The following ETV2 variants were observed in gnomAD, a reference collection of about 807,000 sequenced individuals.
ETV2 encodes ETS variant transcription factor 2, also known as ETS translocation variant 2.
In ETV2, 34 loss-of-function variants were observed where a neutral mutation model predicts 35.7. That is an observed-to-expected ratio of 0.95 (90% CI 0.72 to 1.27). The LOEUF is 1.27. Ranked by LOEUF, ETV2 falls within the 50% of genes most tolerant of loss-of-function variation. The probability of loss-of-function intolerance (pLI) is 0.00; values close to 1 mark genes in which losing one functional copy is unlikely to be tolerated. For synonymous variants in ETV2, 207 were observed against 203.9 expected, an observed-to-expected ratio of 1.02 and a Z score of -0.13; for missense variants, 512 against 470.5, an observed-to-expected ratio of 1.09 and a Z score of -0.82.
rs2146359157 is a variant in ETV2 at position 35,641,899 on chromosome 19, C to T, written c.-285C>T. 1 of 152,524 alleles carries T rather than the reference C, an allele frequency of 6.6e-6. No homozygotes were observed. The allele number at this position is 152,524 out of a possible 1,614,324, so 9.4% of individuals were successfully genotyped here. A position where few individuals can be genotyped will look rare whatever the true frequency, so the allele number is the denominator to read the frequency against. Reference sequence around the variant, plus strand: ...AACTTCTCCCAGCCTCCGCCCTGCCCTCACCCAGCCCGCTGTTCCCCAAGC... The same window carrying T: ...AACTTCTCCCAGCCTCCGCCCTGCCTTCACCCAGCCCGCTGTTCCCCAAGC... On this transcript the variant is annotated 5_prime_UTR_variant, in exon 1 of 7. Transcript: ENST00000402764.
Position 35,643,431 on chromosome 19 carries a change from C to T in ETV2, c.393C>T (p.Asn131=). The part of the protein sequence containing the change: ...AAGSEGAAGQ[N]CVPVAGEATS... Reference sequence around the variant, plus strand: ...GCTCCGAAGGCGCCGCGGGCCAGAACTGCGTCCCCGTGGCGGGAGAGGCCA... The same window carrying T: ...GCTCCGAAGGCGCCGCGGGCCAGAATTGCGTCCCCGTGGCGGGAGAGGCCA... The change falls in exon 5 of 7, where the codon AAC becomes AAT. Residue 131 remains asparagine, a synonymous_variant. Transcript: ENST00000402764. The surrounding 1 kb of genome is among the most constrained non-coding windows in gnomAD (Gnocchi z 5.0). 2 of 1,546,602 alleles carry T rather than the reference C, an allele frequency of 1.3e-6. No individual in the cohort carries two copies. Among genetic ancestry groups the T allele is most frequent in the Non-Finnish European group, 1.7e-6 (2 of 1,145,592 alleles).
At position 35,644,492 on chromosome 19, in the gene ETV2, C is replaced by A; in HGVS notation, c.828+145C>A. 1.1e-6 allele frequency: 1 copy of A among 915,114 alleles called. No individual in the cohort carries two copies. The highest frequency in any genetic ancestry group is 1.7e-6 in the Non-Finnish European group (1 of 604,120). The allele number at this position is 915,114 out of a possible 1,614,324, so 56.7% of individuals were successfully genotyped here. On this transcript the variant is annotated intron_variant, in intron 6 of 6. Coordinates refer to ENST00000402764, the MANE Select transcript of ETV2 (RefSeq NM_014209.4). The surrounding 1 kb of genome is among the most constrained non-coding windows in gnomAD (Gnocchi z 4.7). ...GGCCCCGCCCAACCCTTCTCAAACC[C>A]AATCTCCCGCCTGTACTCCTGCCTC...
rs539713727 is a variant in ETV2, at chr19:35,642,917, G to T, written c.155-48G>T. On this transcript the variant is annotated intron_variant, in intron 3 of 6. Coordinates refer to ENST00000402764, the MANE Select transcript of ETV2 (RefSeq NM_014209.4). The surrounding 1 kb of genome is among the most constrained non-coding windows in gnomAD (Gnocchi z 4.4). ...CCTGACAAGTAGAGACTAGAGAGTG[G>T]GTAGTTGAGGGGTCTCTTTCATTGC... The T allele has an allele frequency of 1.0e-4, 120 of 1,150,536 alleles. No homozygotes were observed. The African/African-American group carries it at 1.7e-3, about 17-fold the overall frequency. 71.3% of individuals were successfully genotyped at this position (1,150,536 alleles called of 1,614,324 possible).
chr19:35,644,520 C>A lies in ETV2; in HGVS notation c.829-132C>A. 2.0e-6 allele frequency: 2 copies of A among 999,030 alleles called. No homozygotes were observed. Among genetic ancestry groups the A allele is most frequent in the Non-Finnish European group, 2.9e-6 (2 of 681,174 alleles). 61.9% of individuals were successfully genotyped at this position (999,030 alleles called of 1,614,324 possible). On this transcript the variant is annotated intron_variant, in intron 6 of 6. Transcript: ENST00000402764. The surrounding 1 kb of genome is among the most constrained non-coding windows in gnomAD (Gnocchi z 4.7). ...TCTCCCGCCTGTACTCCTGCCTCAA[C>A]CAACCCAGTCTCCACCGGGCTCTGC...
Position 35,643,746 on chromosome 19 carries a change from C to T in ETV2, c.708C>T (p.Asn236=). Residue 236 remains asparagine, a synonymous_variant, in exon 5 of 7, where the codon AAC becomes AAT. Coordinates refer to ENST00000402764, the MANE Select transcript of ETV2 (RefSeq NM_014209.4). This position sits in a 1 kb window ranked among gnomAD's most constrained non-coding sequence, Gnocchi z 5.0. ...GTTTGGCTCGATGCCCCAAAACTAA[C>T]CACCGAGGTGAGAGGGCCGCAAAGA... ...RASLARCPKT[N]HRGPIQLWQF... The T allele has an allele frequency of 6.2e-7, 1 of 1,613,630 alleles. No individual in the cohort carries two copies. Among genetic ancestry groups the T allele is most frequent in the Non-Finnish European group, 8.5e-7 (1 of 1,179,814 alleles).
chr19:35,643,812 G>A lies in ETV2; in HGVS notation c.715+59G>A. ...AGCTGGAGTCCTGAGCCGGGACCCA[G>A]GCACCTAAGGGGGCGGGGCCCGGGA... On this transcript the variant is annotated intron_variant, in intron 5 of 6. Coordinates refer to ENST00000402764, the MANE Select transcript of ETV2 (RefSeq NM_014209.4). The surrounding 1 kb of genome is among the most constrained non-coding windows in gnomAD (Gnocchi z 5.0). 3 of 1,603,700 alleles carry A rather than the reference G, an allele frequency of 1.9e-6. No homozygotes were observed. Among genetic ancestry groups the A allele is most frequent in the Non-Finnish European group, 2.5e-6 (3 of 1,177,430 alleles).
rs912195266 is a variant in ETV2 at position 35,642,250 on chromosome 19, G to A, written c.-28+94G>A. The A allele has an allele frequency of 2.2e-5, 11 of 500,802 alleles. No individual in the cohort carries two copies. Among genetic ancestry groups the A allele is most frequent in the Non-Finnish European group, 3.9e-5 (11 of 283,910 alleles). The allele number at this position is 500,802 out of a possible 1,614,324, so 31.0% of individuals were successfully genotyped here. A position where few individuals can be genotyped will look rare whatever the true frequency, so the allele number is the denominator to read the frequency against. On this transcript the variant is annotated intron_variant, in intron 1 of 6. Transcript: ENST00000402764. The surrounding 1 kb of genome is among the most constrained non-coding windows in gnomAD (Gnocchi z 4.4). ...CAAGAAGCCGGGGGCCTGGACTCCT[G>A]GGTCTAACAGAGGAAGAGAGCTGGG...
In ETV2 at chr19:35,643,213, C is replaced by A. The variant is rs1967653771; in HGVS notation, c.236-61C>A. 16 of 1,543,362 alleles carry A rather than the reference C, an allele frequency of 1.0e-5. No homozygotes were observed. Among genetic ancestry groups the A allele is most frequent in the Non-Finnish European group, 1.4e-5 (16 of 1,148,156 alleles). On this transcript the variant is annotated intron_variant, in intron 4 of 6. Transcript: ENST00000402764. The surrounding 1 kb of genome is among the most constrained non-coding windows in gnomAD (Gnocchi z 5.0). ...CAAGTGCCAGGGTTGAGAGCTTAGACCCTAGAGTTTTTGAGGGGGCACCTG... is the reference window on the plus strand; with the variant it reads ...CAAGTGCCAGGGTTGAGAGCTTAGAACCTAGAGTTTTTGAGGGGGCACCTG...
Position 35,643,559 on chromosome 19 carries a change from C to A in ETV2, c.521C>A (p.Pro174Gln), listed in dbSNP as rs1288093356. The A allele has an allele frequency of 6.4e-7, 1 of 1,561,708 alleles. No homozygotes were observed. Among genetic ancestry groups the A allele is most frequent in the African/African-American group, 1.4e-5 (1 of 73,486 alleles). Residue 174 changes from proline to glutamine, a missense_variant, in exon 5 of 7, where the codon CCG becomes CAG. Transcript: ENST00000402764. The surrounding 1 kb of genome is among the most constrained non-coding windows in gnomAD (Gnocchi z 5.0). ...TGGGGCAGTGGCCTGGGCGGGGAGC[C>A]GCGCACGGACTGTACCATTTCGTGG... ...TYWGSGLGGE[P>Q]RTDCTISWGG...
At position 35,643,319 on chromosome 19, in the gene ETV2, T is replaced by C. The variant is rs761257741; in HGVS notation, c.281T>C (p.Met94Thr). Residue 94 changes from methionine to threonine, a missense_variant, in exon 5 of 7, where the codon ATG (methionine) becomes ACG (threonine). By Grantham distance (81) the Met-to-Thr change is moderately conservative. Transcript: ENST00000402764. The surrounding 1 kb of genome is among the most constrained non-coding windows in gnomAD (Gnocchi z 5.0). ...CCGTGGTCCGGGGACTGGACAGACA[T>C]GGCGTGCACAGCCTGGGACTCTTGG... Reference protein sequence around the residue: ...ALPWSGDWTDMACTAWDSWSG... With the variant: ...ALPWSGDWTDTACTAWDSWSG... 2 of 1,602,022 alleles carry C rather than the reference T, an allele frequency of 1.2e-6. No individual in the cohort carries two copies. Among genetic ancestry groups the C allele is most frequent in the Admixed American group, 3.4e-5 (2 of 58,764 alleles).
In ETV2 at chr19:35,644,407, C is replaced by T; in HGVS notation, c.828+60C>T. 1 of 1,200,708 alleles carries T rather than the reference C, an allele frequency of 8.3e-7. No individual in the cohort carries two copies. Among genetic ancestry groups the T allele is most frequent in the Non-Finnish European group, 1.2e-6 (1 of 834,792 alleles). The allele number at this position is 1,200,708 out of a possible 1,614,324, so 74.4% of individuals were successfully genotyped here. On this transcript the variant is annotated intron_variant, in intron 6 of 6. Coordinates refer to ENST00000402764, the MANE Select transcript of ETV2 (RefSeq NM_014209.4). The surrounding 1 kb of genome is among the most constrained non-coding windows in gnomAD (Gnocchi z 4.7). ...CGTCTCTTCTAGTTCAATTTAGCTCCGCCCAAGGGCTAGGTTCAACCGCGT... is the reference window on the plus strand; with the variant it reads ...CGTCTCTTCTAGTTCAATTTAGCTCTGCCCAAGGGCTAGGTTCAACCGCGT...
chr19:35,643,668 G>A lies in ETV2; in HGVS notation c.630G>A (p.Gln210=). Residue 210 remains glutamine, a synonymous_variant, in exon 5 of 7, where the codon CAG becomes CAA. Coordinates refer to ENST00000402764, the MANE Select transcript of ETV2 (RefSeq NM_014209.4). This position sits in a 1 kb window ranked among gnomAD's most constrained non-coding sequence, Gnocchi z 5.0. ...AGGTTSLKRY[Q]SSALTVCSEP... The stretch of plus-strand genomic sequence containing the variant: ...GCACCACCTCTTTGAAGCGGTACCA[G>A]AGCTCAGCTCTCACCGTTTGCTCCG... 2 of 1,613,822 alleles carry A rather than the reference G, an allele frequency of 1.2e-6. No individual in the cohort carries two copies. The highest frequency in any genetic ancestry group is 1.7e-6 in the Non-Finnish European group (2 of 1,179,822).
chr19:35,643,045 GGTGA>G lies in ETV2; in HGVS notation c.235+4_235+7del. On this transcript the variant is annotated splice_donor_variant and splice_donor_region_variant and intron_variant, in intron 4 of 6. Transcript: ENST00000402764. LOFTEE classifies it high-confidence loss of function. This position sits in a 1 kb window ranked among gnomAD's most constrained non-coding sequence, Gnocchi z 5.0. Reference sequence around the variant, plus strand: ...GCACCCAGAAGTTCCATGGGGGGCGGGTGAGTGTGGGGAGAGGCGGTGGGAGGTG... The same window carrying G: ...GCACCCAGAAGTTCCATGGGGGGCGGGTGTGGGGAGAGGCGGTGGGAGGTG... 1 of 1,555,886 alleles carries G rather than the reference GGTGA, an allele frequency of 6.4e-7. No homozygotes were observed. Among genetic ancestry groups the G allele is most frequent in the Non-Finnish European group, 8.7e-7 (1 of 1,146,686 alleles).
Position 35,643,183 on chromosome 19 carries a change from G to A in ETV2, c.236-91G>A. Reference sequence around the variant, plus strand: ...GCATGACCTGGATCCGGGTCAGCCGGGCCCCAAGTGCCAGGGTTGAGAGCT... The same window carrying A: ...GCATGACCTGGATCCGGGTCAGCCGAGCCCCAAGTGCCAGGGTTGAGAGCT... On this transcript the variant is annotated intron_variant, in intron 4 of 6. Coordinates refer to ENST00000402764, the MANE Select transcript of ETV2 (RefSeq NM_014209.4). The surrounding 1 kb of genome is among the most constrained non-coding windows in gnomAD (Gnocchi z 5.0). 6.6e-7 allele frequency: 1 copy of A among 1,504,464 alleles called. No individual in the cohort carries two copies. The highest frequency in any genetic ancestry group is 8.9e-7 in the Non-Finnish European group (1 of 1,122,596). 93.2% of individuals were successfully genotyped at this position (1,504,464 alleles called of 1,614,324 possible). A position where few individuals can be genotyped will look rare whatever the true frequency, so the allele number is the denominator to read the frequency against.
Position 35,644,575 on chromosome 19 carries a change from C to A in ETV2, c.829-77C>A, listed in dbSNP as rs528267333. ...CCTCGCCCAGGTCTGCACTGCACACCGCCCCCAGGCCCGGCCCTCCCCACT... is the reference window on the plus strand; with the variant it reads ...CCTCGCCCAGGTCTGCACTGCACACAGCCCCCAGGCCCGGCCCTCCCCACT... On this transcript the variant is annotated intron_variant, in intron 6 of 6. Transcript: ENST00000402764. This position sits in a 1 kb window ranked among gnomAD's most constrained non-coding sequence, Gnocchi z 4.7. 33 of 1,414,408 alleles carry A rather than the reference C, an allele frequency of 2.3e-5. No homozygotes were observed. In the African/African-American group the frequency reaches 3.3e-4, roughly 14 times the overall value. The allele number at this position is 1,414,408 out of a possible 1,614,324, so 87.6% of individuals were successfully genotyped here. A position where few individuals can be genotyped will look rare whatever the true frequency, so the allele number is the denominator to read the frequency against.
At position 35,644,490 on chromosome 19, in the gene ETV2, C is replaced by A. The variant is rs1379022179; in HGVS notation, c.828+143C>A. On this transcript the variant is annotated intron_variant, in intron 6 of 6. Transcript: ENST00000402764. The surrounding 1 kb of genome is among the most constrained non-coding windows in gnomAD (Gnocchi z 4.7). Reference sequence around the variant, plus strand: ...GAGGCCCCGCCCAACCCTTCTCAAACCCAATCTCCCGCCTGTACTCCTGCC... The same window carrying A: ...GAGGCCCCGCCCAACCCTTCTCAAAACCAATCTCCCGCCTGTACTCCTGCC... The A allele has an allele frequency of 2.2e-6, 2 of 907,660 alleles. No individual in the cohort carries two copies. Among genetic ancestry groups the A allele is most frequent in the Non-Finnish European group, 3.3e-6 (2 of 597,788 alleles). The allele number at this position is 907,660 out of a possible 1,614,324, so 56.2% of individuals were successfully genotyped here.
In ETV2 at chr19:35,643,295, C is replaced by A; in HGVS notation, c.257C>A (p.Pro86Gln). The A allele has an allele frequency of 6.2e-7, 1 of 1,601,472 alleles. No individual in the cohort carries two copies. Reference sequence around the variant, plus strand: ...ACAGAGCCCGACTCTCAGGCTCTTCCGTGGTCCGGGGACTGGACAGACATG... The same window carrying A: ...ACAGAGCCCGACTCTCAGGCTCTTCAGTGGTCCGGGGACTGGACAGACATG... ...WGAEPDSQAL[P>Q]WSGDWTDMAC... The change falls in exon 5 of 7, where the codon CCG becomes CAG. Residue 86 changes from proline to glutamine, a missense_variant. Physicochemically the swap from Pro to Gln is moderately conservative, Grantham distance 76. Transcript: ENST00000402764. This position sits in a 1 kb window ranked among gnomAD's most constrained non-coding sequence, Gnocchi z 5.0.
chr19:35,644,554 G>A lies in ETV2; in HGVS notation c.829-98G>A, dbSNP rs1354324736. 9.8e-6 allele frequency: 12 copies of A among 1,229,776 alleles called. No individual in the cohort carries two copies. The highest frequency in any genetic ancestry group is 1.5e-5 in the African/African-American group (1 of 65,866). 76.2% of individuals were successfully genotyped at this position (1,229,776 alleles called of 1,614,324 possible). A position where few individuals can be genotyped will look rare whatever the true frequency, so the allele number is the denominator to read the frequency against. On this transcript the variant is annotated intron_variant, in intron 6 of 6. Transcript: ENST00000402764. This position sits in a 1 kb window ranked among gnomAD's most constrained non-coding sequence, Gnocchi z 4.7. ...TCTCCACCGGGCTCTGCGAGGCCTC[G>A]CCCAGGTCTGCACTGCACACCGCCC... is the stretch of plus-strand genomic sequence containing the variant.
Position 35,644,868 on chromosome 19 carries a change from C to T in ETV2, c.*16C>T. On this transcript the variant is annotated 3_prime_UTR_variant, in exon 7 of 7. Transcript: ENST00000402764. The surrounding 1 kb of genome is among the most constrained non-coding windows in gnomAD (Gnocchi z 4.7). ...GACACAATAAAAATTCCCGGTCAAA[C>T]CTCTTCGCGCGTGCTCCTCTGCAGC... 1 of 1,570,050 alleles carries T rather than the reference C, an allele frequency of 6.4e-7. No homozygotes were observed. The highest frequency in any genetic ancestry group is 8.7e-7 in the Non-Finnish European group (1 of 1,155,644).
Sources: gnomAD v4.1 joint callset for allele counts on GRCh38, gnomAD v4.1.1 for gene constraint, Gnocchi (gnomAD v3.1) non-coding constraint, MANE v1.5 for transcripts, NCBI Gene and HGNC (gene_info 2026-07-23, HGNC 2026-07-21) for gene names.